BPTF: variants seen among roughly 807,000 people sequenced by gnomAD.
BPTF encodes the protein nucleosome-remodeling factor subunit BPTF.
BPTF carries 18 observed loss-of-function variants against 292.5 expected under a neutral mutation model. That is an observed-to-expected ratio of 0.06 (90% confidence interval 0.04 to 0.09). BPTF has a LOEUF of 0.09. Among genes scored for constraint, BPTF ranks in the 10% least tolerant of loss-of-function variants. The probability of loss-of-function intolerance (pLI) is 1.00; values close to 1 mark genes in which losing one functional copy is unlikely to be tolerated. For missense variants in BPTF, 2,726 were observed against 3,498.7 expected (o/e 0.78, Z 5.57); for synonymous variants, 1,225 against 1,251.9 (o/e 0.98, Z 0.45).
chr17:67,906,832 A>C (rs1008174903), intron 9 of BPTF, among the ~76,000 whole-genome samples: 1 of 152,220 alleles, frequency 6.6e-6, no homozygotes, highest in African/African-American at 2.4e-5. Flanking sequence ...CATTTAAATA[A>C]AAAATGGATA....
chr17:67,832,621 A>G (rs1193776545), intron 1 of BPTF, among the ~76,000 whole-genome samples: 3 of 151,792 alleles, frequency 2.0e-5, no homozygotes, highest in African/African-American at 7.3e-5. Context: ...TTTTTTTAGT[A>G]TATTGACAGA....
At position 67,844,473 on chromosome 17, in the gene BPTF, T is replaced by G. The variant is rs556620007; in HGVS notation, c.614-9467T>G. 1.6e-4 allele frequency among the ~76,000 whole-genome samples: 24 copies of G among 151,270 alleles called. No individual in the cohort carries two copies. In the South Asian group the frequency reaches 3.4e-3, roughly 21 times the overall value. On this transcript the variant is annotated intron_variant, in intron 1 of 27. Transcript: ENST00000306378. ...CGTGTTAGCCAGTATGGTCTCGATC[T>G]CCTGACCTCGTGATCCGCCCGCCTT...
chr17:67,909,746 G>A lies in BPTF; in HGVS notation c.2977G>A (p.Glu993Lys). 1 of 1,573,144 alleles carries A rather than the reference G, an allele frequency of 6.4e-7. No individual in the cohort carries two copies. The highest frequency in any genetic ancestry group is 1.2e-5 in the South Asian group (1 of 81,124). The change falls in exon 10 of 28, where the codon GAG becomes AAG. Residue 993 changes from glutamate to lysine, a missense_variant. By Grantham distance (56) the Glu-to-Lys change is moderately conservative (BLOSUM62 1). Transcript: ENST00000306378. ...TGAAATGGATATCTCAAAGATTACT[G>A]AGAAGAAGGACCAAGGTAAGGAGAG... The part of the protein sequence containing the change: ...QNEMDISKIT[E>K]KKDQDVKELL...
In BPTF at chr17:67,910,988, A is replaced by C. The variant is rs779841424; in HGVS notation, c.3104A>C (p.Gln1035Pro). The C allele has an allele frequency of 1.2e-6, 2 of 1,613,972 alleles. No individual in the cohort carries two copies. Among genetic ancestry groups the C allele is most frequent in the African/African-American group, 1.3e-5 (1 of 74,926 alleles). The change falls in exon 11 of 28, where the codon CAA (glutamine) becomes CCA (proline). Residue 1035 changes from glutamine to proline, a missense_variant. Around this residue, in one of 22 missense-constraint regions of BPTF, gnomAD observed 713 missense variants for 714.9 expected, o/e 1.00. Coordinates refer to ENST00000306378, the MANE Select transcript of BPTF (RefSeq NM_182641.4). ...CATGTAAATTGTCAGGAGAGTTCTC[A>C]AGTAGATGTGGTCAATGTTAGTGAG... ...ESHVNCQESSQVDVVNVSEGF... is the reference protein window; with the variant it reads ...ESHVNCQESSPVDVVNVSEGF...
At chr17:67,896,659 G>A (rs1364752240) in intron 7 of BPTF, among the ~76,000 whole-genome samples, 2 of 152,142 alleles carry the variant, frequency 1.3e-5, no homozygotes, top group Non-Finnish European at 2.9e-5. Flanking sequence ...AATTTTAAAG[G>A]CAAGGGCTAT....
intron 1 of BPTF, 74 bp from the exon 2 acceptor site, chr17:67,853,866 A>G (rs2058554978): frequency 1.8e-6 from 2 of 1,120,378 alleles, no homozygotes; most frequent in East Asian, 2.4e-5. Flanking sequence ...TTAGGGGGGT[A>G]TATGTTCAAA....
intron 27 of BPTF, 78 bp downstream of exon 27, chr17:67,976,036 A>G (rs2069364959): frequency 8.6e-7 from 1 of 1,158,320 alleles, no homozygotes. Context: ...CGATTCAACC[A>G]GTGCAGTTTA....
In BPTF at chr17:67,945,985, A is replaced by C; in HGVS notation, c.7277A>C (p.Gln2426Pro). The C allele has an allele frequency of 6.2e-7, 1 of 1,614,216 alleles. No individual in the cohort carries two copies. Among genetic ancestry groups the C allele is most frequent in the Non-Finnish European group, 8.5e-7 (1 of 1,180,034 alleles). The change falls in exon 21 of 28, where the codon CAG becomes CCG. Residue 2426 changes from glutamine to proline, a missense_variant. Physicochemically the swap from Gln to Pro is moderately conservative, Grantham distance 76. Around this residue, in one of 22 missense-constraint regions of BPTF, gnomAD observed 570 missense variants for 633.5 expected, o/e 0.90. Transcript: ENST00000306378. Reference sequence around the variant, plus strand: ...CCATCCCGTCCTCAGCTACAAATACAGCAGCCACAGCCCCAAGTCATTGCT... The same window carrying C: ...CCATCCCGTCCTCAGCTACAAATACCGCAGCCACAGCCCCAAGTCATTGCT... ...SSPSRPQLQI[Q>P]QPQPQVIAVP...
At chr17:67,980,770 T>A (rs2070250538) in intron 27 of BPTF, among the ~76,000 whole-genome samples, 1 of 152,230 alleles carries the variant, frequency 6.6e-6, no homozygotes, top group Non-Finnish European at 1.5e-5. Flanking sequence ...TGCCACGTGG[T>A]TATTTTATGT....
rs141956010 is a variant in BPTF at position 67,864,023 on chromosome 17, C to G, written c.1437-2441C>G. On this transcript the variant is annotated intron_variant, in intron 2 of 27. Coordinates refer to ENST00000306378, the MANE Select transcript of BPTF (RefSeq NM_182641.4). ...CTTGAGAATGTGTGCCCAGTGGTAA[C>G]TTCAGGGAAGCCTGGCCAGTTTGGG... Among the ~76,000 whole-genome samples, 91 of 152,256 alleles carry G rather than the reference C, an allele frequency of 6.0e-4. 1 individual carries two copies. In the East Asian group the frequency reaches 0.017, roughly 28 times the overall value.
intron 3 of BPTF, among the ~76,000 whole-genome samples, chr17:67,872,860 G>A (rs1403682979): frequency 1.3e-5 from 2 of 152,152 alleles, no homozygotes; most frequent in East Asian, 3.9e-4. Context: ...GCTTTGGTAG[G>A]CCAAGGCACG....
chr17:67,857,148 ATT>A lies in BPTF; in HGVS notation c.1436+2410_1436+2411del, dbSNP rs35727338. Among the ~76,000 whole-genome samples the A allele has an allele frequency of 2.8e-3, 269 of 97,576 alleles. 1 individual carries two copies. Among genetic ancestry groups the A allele is most frequent in the African/African-American group, 8.4e-3 (255 of 30,430 alleles). 64.0% of individuals were successfully genotyped at this position (97,576 alleles called of 152,430 possible). On this transcript the variant is annotated intron_variant, in intron 2 of 27. Coordinates refer to ENST00000306378, the MANE Select transcript of BPTF (RefSeq NM_182641.4). ...TATCCTTATGAGTTCGTCTTTAACA[ATT>A]TTTTTTTTTTTTTTTTTTTTTTTGA...
rs1232037063 is a variant in BPTF at position 67,974,260 on chromosome 17, A to G, written c.8540-1512A>G. The G allele has an allele frequency of 2.0e-5, 3 of 149,748 alleles. 1 individual carries two copies. The highest frequency in any genetic ancestry group is 7.4e-5 in the African/African-American group (3 of 40,774). The allele number at this position is 149,748 out of a possible 1,614,324, so 9.3% of individuals were successfully genotyped here. A position where few individuals can be genotyped will look rare whatever the true frequency, so the allele number is the denominator to read the frequency against. On this transcript the variant is annotated intron_variant, in intron 26 of 27. Transcript: ENST00000306378. ...TTCAGATAGATTTATTTCAGTCAGT[A>G]CATTCCAAAGCAGTTGCCTGCTCTA...
intron 3 of BPTF, among the ~76,000 whole-genome samples, chr17:67,871,175 C>A (rs1046081909): frequency 6.6e-6 from 1 of 152,024 alleles, no homozygotes; most frequent in South Asian, 2.1e-4. Flanking sequence ...AATTTTTCTT[C>A]TCCATTTTTC....
rs139746979 is a variant in BPTF, at chr17:67,982,269, T to G, written c.8744T>G (p.Leu2915Arg). 1 of 1,611,594 alleles carries G rather than the reference T, an allele frequency of 6.2e-7. No individual in the cohort carries two copies. The highest frequency in any genetic ancestry group is 1.7e-5 in the Admixed American group (1 of 59,826). Reference protein sequence around the residue: ...FKASRSHNNKLQSTAS With the variant: ...FKASRSHNNKRQSTAS ...TTCTGTAGGTCTCATAACAACAAAC[T>G]GCAGTCTACAGCTTCTTAAAGTTCA... Residue 2915 changes from leucine to arginine, a missense_variant, in exon 28 of 28, where the codon CTG becomes CGG. By Grantham distance (102) the Leu-to-Arg change is moderately radical. Around this residue, in one of 22 missense-constraint regions of BPTF, gnomAD observed 21 missense variants for 16.1 expected, o/e 1.30. Transcript: ENST00000306378.
chr17:67,886,380 T>G (rs2060753140), intron 4 of BPTF: 1 of 1,150,502 alleles, frequency 8.7e-7, no homozygotes, highest in Non-Finnish European at 1.2e-6. Flanking sequence ...TTTTTTTGTG[T>G]GTGTGTGTGT....
At chr17:67,963,667 A>G (rs1354532553) in intron 24 of BPTF, among the ~76,000 whole-genome samples, 1 of 152,044 alleles carries the variant, frequency 6.6e-6, no homozygotes, top group Non-Finnish European at 1.5e-5. Flanking sequence ...CTTTTTACCT[A>G]CCCTTCAAAA....
intron 17 of BPTF, among the ~76,000 whole-genome samples, chr17:67,929,832 T>C (rs2147472031): frequency 6.6e-6 from 1 of 152,342 alleles, no homozygotes; most frequent in South Asian, 2.1e-4. Flanking sequence ...TTTAAAATGC[T>C]GGGCCAGGTG....
chr17:67,975,891 T>C lies in BPTF; in HGVS notation c.8659T>C (p.Phe2887Leu). Residue 2887 changes from phenylalanine to leucine, a missense_variant, in exon 27 of 28, where the codon TTT becomes CTT. Physicochemically the swap from Phe to Leu is conservative, Grantham distance 22. Around this residue, in one of 22 missense-constraint regions of BPTF, gnomAD observed 27 missense variants for 66.1 expected, o/e 0.41. Transcript: ENST00000306378. The part of the protein sequence containing the change: ...CRYYNPSDSP[F>L]YQCAEVLESF... Reference sequence around the variant, plus strand: ...TTACTACAATCCAAGTGACTCCCCATTTTACCAGTGTGCAGAAGTTCTCGA... The same window carrying C: ...TTACTACAATCCAAGTGACTCCCCACTTTACCAGTGTGCAGAAGTTCTCGA... 1 of 1,613,974 alleles carries C rather than the reference T, an allele frequency of 6.2e-7. No individual in the cohort carries two copies. Among genetic ancestry groups the C allele is most frequent in the Non-Finnish European group, 8.5e-7 (1 of 1,179,974 alleles).
Sources: allele counts gnomAD v4.1 joint callset (sites outside exome capture counted in the v4.1 genomes callset), GRCh38; gene constraint gnomAD v4.1.1; regional missense constraint gnomAD v4.1.1; transcripts MANE v1.5; gene names NCBI Gene and HGNC (gene_info 2026-07-23, HGNC 2026-07-21).